IL1RAPL2: variants seen among roughly 807,000 people sequenced by gnomAD.
The protein encoded by IL1RAPL2 is interleukin 1 receptor accessory protein like 2.
A neutral mutation model predicts 44.1 loss-of-function variants in IL1RAPL2; 3 were observed. That is an observed-to-expected ratio of 0.07 (90% CI 0.03 to 0.18). The LOEUF is 0.18. Among genes scored for constraint, IL1RAPL2 ranks in the 10% least tolerant of loss-of-function variants. The probability of loss-of-function intolerance (pLI) is 1.00; values close to 1 mark genes in which losing one functional copy is unlikely to be tolerated. For missense variants in IL1RAPL2, 391 were observed against 496.4 expected, an observed-to-expected ratio of 0.79 and a Z score of 2.02; for synonymous variants, 181 against 178.8, an observed-to-expected ratio of 1.01 and a Z score of -0.10.
chrX:105,424,101 C>A (rs760821201), intron 5 of IL1RAPL2, among the ~76,000 whole-genome samples: 1 of 111,996 alleles, frequency 8.9e-6, no homozygotes, highest in East Asian at 2.8e-4. Context: ...CCCCAAAAAT[C>A]TGAAACAGGC....
At chrX:104,616,063 T>C (rs1360028919) in intron 1 of IL1RAPL2, among the ~76,000 whole-genome samples, 1 of 112,093 alleles carries the variant, frequency 8.9e-6, no homozygotes, top group Non-Finnish European at 1.9e-5. Flanking sequence ...TTGCCTACTT[T>C]TAATGGGGTT....
intron 6 of IL1RAPL2, among the ~76,000 whole-genome samples, chrX:105,691,037 C>G (rs1602524605): frequency 9.0e-6 from 1 of 111,224 alleles, no homozygotes; most frequent in Non-Finnish European, 1.9e-5. Context: ...CAGATCAGGG[C>G]CCCACCCATA....
intron 2 of IL1RAPL2, among the ~76,000 whole-genome samples, chrX:104,905,019 A>C (rs1923944071): frequency 9.1e-6 from 1 of 110,307 alleles, no homozygotes; most frequent in Non-Finnish European, 1.9e-5. Context: ...ATGGTATCTC[A>C]TTGTGGTTTT....
chrX:104,568,345 T>C (rs1217532968), intron 1 of IL1RAPL2, among the ~76,000 whole-genome samples: 1 of 111,556 alleles, frequency 9.0e-6, no homozygotes, highest in East Asian at 2.9e-4. Context: ...CGTCCTACAG[T>C]TCAGGAAGAC....
At chrX:105,113,680 A>G (rs1016900374) in intron 2 of IL1RAPL2, among the ~76,000 whole-genome samples, 1 of 111,428 alleles carries the variant, frequency 9.0e-6, no homozygotes, top group African/African-American at 3.3e-5. Flanking sequence ...TCCTCTCCCC[A>G]AGTCTCCATC....
intron 2 of IL1RAPL2, among the ~76,000 whole-genome samples, chrX:105,043,094 G>A (rs2031778579): frequency 1.5e-5 from 1 of 68,909 alleles, no homozygotes; most frequent in African/African-American, 5.7e-5. Flanking sequence ...GGGGGGAGGG[G>A]GGAGGGAGAG....
At chrX:105,764,823 A>AAAT (rs752548952) in intron 10 of IL1RAPL2, among the ~76,000 whole-genome samples, 26 of 111,535 alleles carry the variant, frequency 2.3e-4, no homozygotes, top group Non-Finnish European at 4.5e-4. Context: ...TAAAAAAATA[A>AAAT]AATAAAAGTA....
intron 6 of IL1RAPL2, among the ~76,000 whole-genome samples, chrX:105,685,699 C>G (rs1304124489): frequency 2.7e-5 from 3 of 110,977 alleles, no homozygotes; most frequent in Non-Finnish European, 5.7e-5. Context: ...GAAATACAGA[C>G]AACTCCACAA....
chrX:104,682,247 T>C (rs1008357891), intron 2 of IL1RAPL2, among the ~76,000 whole-genome samples: 1 of 112,055 alleles, frequency 8.9e-6, no homozygotes, highest in Non-Finnish European at 1.9e-5. Flanking sequence ...AGAGGGTTTC[T>C]TTGGCTTGCA....
chrX:104,602,609 A>G (rs1602638459), intron 1 of IL1RAPL2, among the ~76,000 whole-genome samples: 1 of 111,550 alleles, frequency 9.0e-6, no homozygotes, highest in Non-Finnish European at 1.9e-5. Flanking sequence ...GCACAGCAGC[A>G]GTCTGAGATC....
At chrX:104,641,272 G>T (rs1450051103) in intron 1 of IL1RAPL2, among the ~76,000 whole-genome samples, 1 of 111,114 alleles carries the variant, frequency 9.0e-6, no homozygotes, top group Non-Finnish European at 1.9e-5. Flanking sequence ...TGGTAGACTG[G>T]GTTGGGTAAT....
chrX:104,774,351 T>C (rs1932686081), intron 2 of IL1RAPL2, among the ~76,000 whole-genome samples: 1 of 111,777 alleles, frequency 8.9e-6, no homozygotes, highest in Non-Finnish European at 1.9e-5. Context: ...GATATATTCT[T>C]TAAGAGTCCC....
chrX:105,510,119 A>C (rs1490065475), intron 6 of IL1RAPL2, among the ~76,000 whole-genome samples: 1 of 111,591 alleles, frequency 9.0e-6, no homozygotes, highest in African/African-American at 3.3e-5. Context: ...TTGAGGCTGC[A>C]GTCAGCTGTG....
chrX:104,602,203 C>T (rs1226525517), intron 1 of IL1RAPL2, among the ~76,000 whole-genome samples: 3 of 111,184 alleles, frequency 2.7e-5, no homozygotes, highest in African/African-American at 6.5e-5. Flanking sequence ...CAGGGTGAGG[C>T]GTTGCCTCAC....
intron 2 of IL1RAPL2, among the ~76,000 whole-genome samples, chrX:105,002,657 T>A (rs2030871830): frequency 9.0e-6 from 1 of 110,670 alleles, no homozygotes; most frequent in African/African-American, 3.3e-5. Context: ...GAATGAGGAA[T>A]GTCAGTAGCC....
intron 6 of IL1RAPL2, among the ~76,000 whole-genome samples, chrX:105,580,521 G>A (rs893956602): frequency 9.0e-6 from 1 of 110,850 alleles, no homozygotes; most frequent in Non-Finnish European, 1.9e-5. Flanking sequence ...AGGGACAGCT[G>A]GGGATTTTGC....
At chrX:104,750,082 C>T (rs147957860) in intron 2 of IL1RAPL2, among the ~76,000 whole-genome samples, 51 of 111,748 alleles carry the variant, frequency 4.6e-4, no homozygotes, top group African/African-American at 1.7e-3. Context: ...GAGGCTTGCT[C>T]GCTAGTGCAA....
At chrX:105,585,193 A>G (rs918417126) in intron 6 of IL1RAPL2, among the ~76,000 whole-genome samples, 1 of 109,888 alleles carries the variant, frequency 9.1e-6, no homozygotes, top group East Asian at 2.9e-4. Flanking sequence ...TAATTCTATA[A>G]TTTGGATTTT....
chrX:105,709,992 AAACAAT>A (rs2038195572), intron 6 of IL1RAPL2, among the ~76,000 whole-genome samples: 1 of 111,106 alleles, frequency 9.0e-6, no homozygotes, highest in African/African-American at 3.3e-5. Flanking sequence ...TTGTGTACCA[AAACAAT>A]AACAACAATA....
Sources: allele counts gnomAD v4.1 joint callset (sites outside exome capture counted in the v4.1 genomes callset), GRCh38; gene constraint gnomAD v4.1.1; transcripts MANE v1.5; gene names NCBI Gene and HGNC (gene_info 2026-07-23, HGNC 2026-07-21).